Variants in CLMP observed in about 807,000 individuals in gnomAD.
CLMP encodes CXADR-like membrane protein.
Under a neutral mutation model 45.2 loss-of-function variants are expected in CLMP, and 27 were observed. The ratio of observed to expected loss-of-function variants is 0.60; its 90% CI spans 0.44 to 0.82. The LOEUF (loss-of-function observed/expected upper bound fraction) is 0.82, where lower values mean the gene tolerates loss of function less well. CLMP is among the 40% of genes least tolerant of loss of function. The probability of loss-of-function intolerance (pLI) is 0.00; values close to 1 mark genes in which losing one functional copy is unlikely to be tolerated. For missense variants in CLMP, 403 were observed against 448.4 expected (o/e 0.90, Z 0.91); for synonymous variants, 167 against 171.4 (o/e 0.97, Z 0.20).
intron 1 of CLMP, among the ~76,000 whole-genome samples, chr11:123,124,925 C>T (rs1326685155): frequency 6.6e-6 from 1 of 152,284 alleles, no homozygotes; most frequent in East Asian, 1.9e-4. Context: ...GAGACAGGGT[C>T]TGGCTCTGTC....
At chr11:123,096,430 G>A (rs1484934080) in intron 2 of CLMP, among the ~76,000 whole-genome samples, 3 of 151,984 alleles carry the variant, frequency 2.0e-5, no homozygotes, top group East Asian at 1.9e-4. Flanking sequence ...AGGCTGAAGC[G>A]GGAGAATCGC....
At chr11:123,078,706 G>A (rs7115313) in intron 5 of CLMP, among the ~76,000 whole-genome samples, 15,641 of 147,196 alleles carry the variant, frequency 0.11, 1,370 homozygotes, top group African/African-American at 0.23. Context: ...GTGCAGTGGC[G>A]GGATCTCGGC....
chr11:123,193,339 A>ACATATAAAGTGTT (rs1213703736), intron 1 of CLMP, among the ~76,000 whole-genome samples: 2 of 152,254 alleles, frequency 1.3e-5, no homozygotes, highest in Admixed American at 1.3e-4. Flanking sequence ...CCAAGATAGT[A>ACATATAAAGTGTT]CATATAAAGT....
intron 5 of CLMP, among the ~76,000 whole-genome samples, chr11:123,077,821 AT>A (rs1174465525): frequency 1.3e-5 from 2 of 152,338 alleles, no homozygotes; most frequent in East Asian, 3.9e-4. Flanking sequence ...ATGGAAAATA[AT>A]ATATCTCAGT....
intron 1 of CLMP, among the ~76,000 whole-genome samples, chr11:123,113,148 C>T (rs1443183542): frequency 6.6e-6 from 1 of 152,194 alleles, no homozygotes; most frequent in African/African-American, 2.4e-5. Flanking sequence ...TTAAACACCC[C>T]TTATGCTTCC....
chr11:123,179,149 T>C (rs186069160), intron 1 of CLMP, among the ~76,000 whole-genome samples: 6 of 152,300 alleles, frequency 3.9e-5, no homozygotes, highest in East Asian at 3.9e-4. Context: ...AAGGCAGTTA[T>C]GGCCATTACT....
At chr11:123,159,712 T>G (rs537958709) in intron 1 of CLMP, among the ~76,000 whole-genome samples, 1 of 152,330 alleles carries the variant, frequency 6.6e-6, no homozygotes, top group African/African-American at 2.4e-5. Context: ...GGAGGATGGC[T>G]GTGGCACCTT....
intron 1 of CLMP, among the ~76,000 whole-genome samples, chr11:123,170,420 G>T (rs1241563001): frequency 6.7e-6 from 1 of 149,142 alleles, no homozygotes. Context: ...TAACTTAAGT[G>T]TTGTGTTGCA....
At chr11:123,174,080 TC>T (rs1408166530) in intron 1 of CLMP, among the ~76,000 whole-genome samples, 93 of 152,098 alleles carry the variant, frequency 6.1e-4, no homozygotes, top group African/African-American at 2.2e-3. Flanking sequence ...GGACCCTGTT[TC>T]AAAAAAAATT....
At chr11:123,102,803 C>T (rs963333326) in intron 1 of CLMP, among the ~76,000 whole-genome samples, 3 of 150,478 alleles carry the variant, frequency 2.0e-5, no homozygotes, top group South Asian at 2.1e-4. Context: ...GTGATCCACC[C>T]GCCTCAGCCT....
At chr11:123,121,477 T>C (rs1336389987) in intron 1 of CLMP, among the ~76,000 whole-genome samples, 4 of 152,260 alleles carry the variant, frequency 2.6e-5, no homozygotes, top group Non-Finnish European at 5.9e-5. Context: ...TTTGTATTTT[T>C]AGTAGAGACG....
rs567829931 is a variant in CLMP, at chr11:123,094,239, T to G, written c.186+3556A>C. On this transcript the variant is annotated intron_variant, in intron 2 of 6. Transcript: ENST00000448775. ...CTCCCACCTTAGCCTCATAAGTGGC[T>G]GAGATTATAGGCCTGCGCCACCATG... 2.5e-3 allele frequency among the ~76,000 whole-genome samples: 375 copies of G among 152,280 alleles called. 2 individuals are homozygous for G. Among genetic ancestry groups the G allele is most frequent in the South Asian group, 8.3e-3 (40 of 4,824 alleles).
At chr11:123,188,071 A>G (rs1482249614) in intron 1 of CLMP, among the ~76,000 whole-genome samples, 1 of 152,196 alleles carries the variant, frequency 6.6e-6, no homozygotes, top group Non-Finnish European at 1.5e-5. Flanking sequence ...TAGCCTCCTC[A>G]TGTATCTGAC....
At chr11:123,083,477 A>C (rs1375871914) in intron 4 of CLMP, among the ~76,000 whole-genome samples, 1 of 152,218 alleles carries the variant, frequency 6.6e-6, no homozygotes, top group Non-Finnish European at 1.5e-5. Flanking sequence ...CATTTCTTCC[A>C]ATCTCTTTTA....
intron 1 of CLMP, among the ~76,000 whole-genome samples, chr11:123,104,785 G>T (rs1483088665): frequency 1.3e-5 from 2 of 152,176 alleles, no homozygotes; most frequent in East Asian, 1.9e-4. Context: ...CCATCCTGTG[G>T]CTAGCCTTGG....
At chr11:123,127,144 C>T (rs978730882) in intron 1 of CLMP, among the ~76,000 whole-genome samples, 1 of 151,442 alleles carries the variant, frequency 6.6e-6, no homozygotes, top group African/African-American at 2.4e-5. Flanking sequence ...TTTTTTGAGA[C>T]AGAGTCTCTC....
chr11:123,101,495 T>C (rs1371873339), intron 1 of CLMP, among the ~76,000 whole-genome samples: 1 of 152,232 alleles, frequency 6.6e-6, no homozygotes, highest in East Asian at 1.9e-4. Context: ...TGGCTTCCGG[T>C]ATTCTTGCTT....
At chr11:123,133,837 C>G (rs768842062) in intron 1 of CLMP, among the ~76,000 whole-genome samples, 1 of 152,146 alleles carries the variant, frequency 6.6e-6, no homozygotes, top group African/African-American at 2.4e-5. Flanking sequence ...CTGTCTCCCC[C>G]AGCTTATTAC....
At chr11:123,084,384 A>G in intron 3 of CLMP, 128 bp downstream of exon 3, 1 of 705,276 alleles carries the variant, frequency 1.4e-6, no homozygotes, top group East Asian at 2.6e-5. Context: ...GAACTGGACG[A>G]GGTGACCTCT....
Sources: allele counts gnomAD v4.1 joint callset (sites outside exome capture counted in the v4.1 genomes callset), GRCh38; gene constraint gnomAD v4.1.1; transcripts MANE v1.5; gene names NCBI Gene and HGNC (gene_info 2026-07-23, HGNC 2026-07-21).